NRG1: variants seen among roughly 807,000 people sequenced by gnomAD.
NRG1 encodes the protein neuregulin 1, also known as pro-neuregulin-1, membrane-bound isoform.
In NRG1, 18 loss-of-function variants were observed where a neutral mutation model predicts 63.8. That is an observed-to-expected ratio of 0.28 (90% CI 0.19 to 0.42). The LOEUF is 0.42. NRG1 is among the 10% of genes least tolerant of loss of function. The pLI is 1.00. For synonymous variants in NRG1, 302 were observed against 301.3 expected, an observed-to-expected ratio of 1.00 and a Z score of -0.02; for missense variants, 762 against 814.7, an observed-to-expected ratio of 0.94 and a Z score of 0.79.
In NRG1 at chr8:31,648,861, T is replaced by A. The variant is rs78511004; in HGVS notation, c.37+9430T>A. ...TTTTGGCTATTATAAATAATGCTGC[T>A]GTGAAATGTCTTCTCAAATCCCTGC... On this transcript the variant is annotated intron_variant, in intron 1 of 10. Coordinates refer to the NRG1 transcript ENST00000519301. Among the ~76,000 whole-genome samples the A allele has an allele frequency of 2.2e-3, 329 of 152,374 alleles. 1 individual carries two copies. The highest frequency in any genetic ancestry group is 7.7e-3 in the African/African-American group (319 of 41,592).
intron 1 of NRG1, among the ~76,000 whole-genome samples, chr8:31,910,556 C>T (rs2129617307): frequency 6.6e-6 from 1 of 152,204 alleles, no homozygotes; most frequent in Non-Finnish European, 1.5e-5. Context: ...ATAAAGAATT[C>T]CACTGTGGAA....
chr8:32,759,269 A>G (rs755014939), intron 9 of NRG1, 37 bp from the exon 10 acceptor site: 1 of 1,605,428 alleles, frequency 6.2e-7, no homozygotes, highest in Non-Finnish European at 8.5e-7. Context: ...ACATGAATCT[A>G]CGTGAATCTT....
At chr8:32,187,114 A>G (rs530545794) in intron 1 of NRG1, among the ~76,000 whole-genome samples, 2 of 152,316 alleles carry the variant, frequency 1.3e-5, no homozygotes, top group Admixed American at 1.3e-4. Flanking sequence ...TTTTCAGTGA[A>G]GCATAGAATG....
At chr8:32,659,156 T>TA (rs915713799) in intron 5 of NRG1, among the ~76,000 whole-genome samples, 15 of 150,860 alleles carry the variant, frequency 9.9e-5, no homozygotes, top group Admixed American at 9.9e-4. Flanking sequence ...CTTTTTTTTT[T>TA]TTTTTTGAGA....
chr8:31,958,868 G>A (rs1193374584), intron 1 of NRG1, among the ~76,000 whole-genome samples: 3 of 152,164 alleles, frequency 2.0e-5, no homozygotes, highest in Non-Finnish European at 4.4e-5. Flanking sequence ...TGGCAGGTCT[G>A]TCATTTGGAT....
chr8:31,856,975 G>T (rs902857953), intron 1 of NRG1, among the ~76,000 whole-genome samples: 2 of 152,150 alleles, frequency 1.3e-5, no homozygotes, highest in East Asian at 3.9e-4. Flanking sequence ...CCCATTCTCA[G>T]ATCTCCAGCT....
chr8:31,993,157 G>T (rs1459948770), intron 1 of NRG1, among the ~76,000 whole-genome samples: 2 of 151,986 alleles, frequency 1.3e-5, no homozygotes, highest in Non-Finnish European at 2.9e-5. Flanking sequence ...CGAGTAGAGG[G>T]TGGTTGATCA....
At chr8:32,064,867 T>G (rs1227792414) in intron 1 of NRG1, among the ~76,000 whole-genome samples, 4 of 152,134 alleles carry the variant, frequency 2.6e-5, no homozygotes, top group African/African-American at 4.8e-5. Flanking sequence ...AGGTGTCCAT[T>G]TTAAGTACAG....
chr8:32,605,383 C>T (rs1845093024), intron 2 of NRG1, among the ~76,000 whole-genome samples, 179 bp from the exon 3 acceptor site: 1 of 152,106 alleles, frequency 6.6e-6, no homozygotes, highest in Admixed American at 6.6e-5. Context: ...TGTGATGCAT[C>T]TTACTTTTAC....
At chr8:31,813,516 C>CTTTTTTTTTTTTTTTTTT (rs377718067) in intron 1 of NRG1, among the ~76,000 whole-genome samples, 1 of 101,214 alleles carries the variant, frequency 9.9e-6, no homozygotes, top group African/African-American at 3.7e-5. Context: ...CTTTTCTTTT[C>CTTTTTTTTTTTTTTTTTT]TTTTTTTTTT....
intron 1 of NRG1, among the ~76,000 whole-genome samples, chr8:32,067,127 T>C (rs1331849179): frequency 6.6e-6 from 1 of 152,186 alleles, no homozygotes; most frequent in African/African-American, 2.4e-5. Flanking sequence ...AATCATATCA[T>C]CTCCAAACAG....
At chr8:32,282,848 T>A (rs986979084) in intron 1 of NRG1, among the ~76,000 whole-genome samples, 4 of 152,056 alleles carry the variant, frequency 2.6e-5, no homozygotes, top group African/African-American at 9.7e-5. Context: ...TTCATACTTG[T>A]AAAAAAAGTG....
At chr8:32,474,181 A>G (rs1824193924) in intron 1 of NRG1, among the ~76,000 whole-genome samples, 1 of 152,266 alleles carries the variant, frequency 6.6e-6, no homozygotes, top group Admixed American at 6.5e-5. Context: ...TAGGTAAAAC[A>G]ATCATGTGAA....
intron 1 of NRG1, among the ~76,000 whole-genome samples, chr8:32,506,737 G>A (rs1030018743): frequency 3.3e-5 from 5 of 151,940 alleles, no homozygotes; most frequent in Admixed American, 1.3e-4. Context: ...CTTTTTGACT[G>A]GGCATGGTGG....
intron 1 of NRG1, among the ~76,000 whole-genome samples, chr8:31,875,291 A>G (rs959989615): frequency 6.6e-6 from 1 of 152,186 alleles, no homozygotes; most frequent in Non-Finnish European, 1.5e-5. Context: ...AATTGAGTTC[A>G]TTAATATTGT....
At chr8:32,380,457 C>A (rs1810206069) in intron 1 of NRG1, among the ~76,000 whole-genome samples, 1 of 152,100 alleles carries the variant, frequency 6.6e-6, no homozygotes, top group Non-Finnish European at 1.5e-5. Context: ...CAAGCATAGT[C>A]TCTCCCCTGG....
At chr8:31,857,036 T>G (rs1310672785) in intron 1 of NRG1, among the ~76,000 whole-genome samples, 1 of 152,240 alleles carries the variant, frequency 6.6e-6, no homozygotes, top group Non-Finnish European at 1.5e-5. Context: ...CAGGGACATT[T>G]AAGTCTGCAG....
chr8:31,792,898 T>G (rs1359855013), intron 1 of NRG1, among the ~76,000 whole-genome samples: 1 of 152,232 alleles, frequency 6.6e-6, no homozygotes, highest in Non-Finnish European at 1.5e-5. Context: ...TCAAAAATGA[T>G]GCCTAATGTT....
rs1274279459 is a variant in NRG1 at position 31,800,945 on chromosome 8, A to G, written c.37+161514A>G. Reference sequence around the variant, plus strand: ...AAGCTCCACCTTCCAGGTTCACGCCATTCACCTGCCTCAGCCTCCCAAGTA... The same window carrying G: ...AAGCTCCACCTTCCAGGTTCACGCCGTTCACCTGCCTCAGCCTCCCAAGTA... On this transcript the variant is annotated intron_variant, in intron 1 of 10. Transcript: ENST00000519301. Among the ~76,000 whole-genome samples, 3 of 143,058 alleles carry G rather than the reference A, an allele frequency of 2.1e-5. No homozygotes were observed. The East Asian group carries it at 6.1e-4, about 29-fold the overall frequency. The allele number at this position is 143,058 out of a possible 152,430, so 93.9% of individuals were successfully genotyped here. A position where few individuals can be genotyped will look rare whatever the true frequency, so the allele number is the denominator to read the frequency against.
Sources: allele counts gnomAD v4.1 joint callset (sites outside exome capture counted in the v4.1 genomes callset), GRCh38; gene constraint gnomAD v4.1.1; transcripts MANE v1.5; gene names NCBI Gene and HGNC (gene_info 2026-07-23, HGNC 2026-07-21).